The following STAU2 variants were observed in gnomAD, a reference collection of about 807,000 sequenced individuals.
The protein encoded by STAU2 is staufen double-stranded RNA binding protein 2.
STAU2 carries 20 observed loss-of-function variants against 65.9 expected under a neutral mutation model. The observed-to-expected ratio is 0.30, with a 90% CI of 0.21 to 0.44. The LOEUF (loss-of-function observed/expected upper bound fraction) is 0.44, where lower values mean the gene tolerates loss of function less well. Among genes scored for constraint, STAU2 ranks in the 20% least tolerant of loss-of-function variants. The pLI, the probability that STAU2 is intolerant of heterozygous loss-of-function variation, is 1.00. For missense variants in STAU2, 558 were observed against 683.9 expected (o/e 0.82, Z 2.05); for synonymous variants, 232 against 233.9 (o/e 0.99, Z 0.07).
chr8:73,574,889 T>C, intron 12 of STAU2, among the ~76,000 whole-genome samples: 1 of 151,792 alleles, frequency 6.6e-6, no homozygotes, highest in Non-Finnish European at 1.5e-5. Context: ...ACATGTACCC[T>C]AGAACTTAAA....
At chr8:73,553,062 G>A (rs1346316231) in intron 12 of STAU2, among the ~76,000 whole-genome samples, 2 of 152,188 alleles carry the variant, frequency 1.3e-5, no homozygotes, top group South Asian at 4.1e-4. Flanking sequence ...CCATGGACAG[G>A]TTCTGAAATC....
At chr8:73,743,971 C>A (rs1807096063) in intron 1 of STAU2, among the ~76,000 whole-genome samples, 1 of 151,222 alleles carries the variant, frequency 6.6e-6, no homozygotes. Flanking sequence ...GGGGTTTCAC[C>A]ATGTTGGCCA....
At chr8:73,736,761 G>A (rs1307797944) in intron 3 of STAU2, among the ~76,000 whole-genome samples, 3 of 152,226 alleles carry the variant, frequency 2.0e-5, no homozygotes, top group African/African-American at 4.8e-5. Flanking sequence ...TCTAGACCAG[G>A]TATAAACTTA....
chr8:73,561,742 TA>T (rs1375389129), intron 12 of STAU2, among the ~76,000 whole-genome samples: 3 of 152,106 alleles, frequency 2.0e-5, no homozygotes, highest in Non-Finnish European at 4.4e-5. Flanking sequence ...AATAGTACAA[TA>T]CAATAACAAT....
intron 3 of STAU2, among the ~76,000 whole-genome samples, chr8:73,710,728 C>T (rs1390255767): frequency 6.6e-6 from 1 of 151,610 alleles, no homozygotes; most frequent in African/African-American, 2.4e-5. Context: ...CTTTCACTTC[C>T]CATAAAAAAT....
At chr8:73,497,004 A>T (rs1189940743) in intron 13 of STAU2, among the ~76,000 whole-genome samples, 5 of 151,796 alleles carry the variant, frequency 3.3e-5, no homozygotes, top group Non-Finnish European at 4.4e-5. Context: ...AGTATATAAA[A>T]ATCATAGATC....
chr8:73,529,206 T>C lies in STAU2; in HGVS notation c.1530+22806A>G, dbSNP rs1398531672. Among the ~76,000 whole-genome samples, 3 of 152,302 alleles carry C rather than the reference T, an allele frequency of 2.0e-5. No individual in the cohort carries two copies. The East Asian group carries it at 5.8e-4, about 29-fold the overall frequency. On this transcript the variant is annotated intron_variant, in intron 13 of 14. Coordinates refer to ENST00000524300, the MANE Select transcript of STAU2 (RefSeq NM_001164380.2). Reference sequence around the variant, plus strand: ...GCAAATTAAAAGCTCAGTCAATGTATACGAGTTCAAGAATGTGGAAGTGTT... The same window carrying C: ...GCAAATTAAAAGCTCAGTCAATGTACACGAGTTCAAGAATGTGGAAGTGTT...
intron 4 of STAU2, among the ~76,000 whole-genome samples, chr8:73,703,752 C>T (rs1191638812): frequency 6.6e-6 from 1 of 152,148 alleles, no homozygotes; most frequent in African/African-American, 2.4e-5. Context: ...TTAGAAACTG[C>T]AAACTCATCT....
chr8:73,449,942 C>T (rs1364881892), intron 13 of STAU2, among the ~76,000 whole-genome samples: 1 of 152,216 alleles, frequency 6.6e-6, no homozygotes, highest in Non-Finnish European at 1.5e-5. Flanking sequence ...GGGAGCAGCA[C>T]TTCCCCACCA....
At chr8:73,550,103 C>CA (rs1481821560) in intron 13 of STAU2, 1 of 985,216 alleles carries the variant, frequency 1.0e-6, no homozygotes, top group Non-Finnish European at 1.2e-6. Context: ...CCATCAATGA[C>CA]AGAGTATTTT....
chr8:73,729,532 T>G (rs62507986), intron 3 of STAU2, among the ~76,000 whole-genome samples: 51 of 152,258 alleles, frequency 3.3e-4, no homozygotes, highest in African/African-American at 1.2e-3. Context: ...CTTTAAATAT[T>G]TGGTAGAATC....
chr8:73,526,031 GC>G (rs1805428569), intron 13 of STAU2, among the ~76,000 whole-genome samples: 1 of 152,118 alleles, frequency 6.6e-6, no homozygotes, highest in Non-Finnish European at 1.5e-5. Flanking sequence ...TACAGCTAGG[GC>G]ATATGTCAAT....
intron 13 of STAU2, among the ~76,000 whole-genome samples, chr8:73,465,439 A>C (rs1035495993): frequency 6.6e-6 from 1 of 152,232 alleles, no homozygotes; most frequent in Non-Finnish European, 1.5e-5. Flanking sequence ...TTTCTTTGTT[A>C]GTAGAGGTAT....
chr8:73,550,319 C>T (rs1054276640), intron 13 of STAU2: 16 of 983,148 alleles, frequency 1.6e-5, no homozygotes, highest in Non-Finnish European at 1.9e-5. Context: ...ATGTTGACTA[C>T]AGTGAAGATA....
intron 12 of STAU2, among the ~76,000 whole-genome samples, chr8:73,574,276 G>A (rs537765827): frequency 1.5e-4 from 23 of 152,314 alleles, no homozygotes; most frequent in Non-Finnish European, 3.1e-4. Context: ...GAGAGGATGT[G>A]GAGAAACAGG....
intron 6 of STAU2, among the ~76,000 whole-genome samples, chr8:73,625,380 G>A (rs370130410): frequency 5.3e-5 from 8 of 152,286 alleles, no homozygotes; most frequent in African/African-American, 1.9e-4. Context: ...GTCGTACAAA[G>A]GAATGAAGTA....
intron 5 of STAU2, among the ~76,000 whole-genome samples, chr8:73,681,479 G>T (rs192041494): frequency 6.6e-6 from 1 of 152,212 alleles, no homozygotes; most frequent in Non-Finnish European, 1.5e-5. Flanking sequence ...ATTAAATCTT[G>T]AAACAAAGCC....
At position 73,693,474 on chromosome 8, in the gene STAU2, CA is replaced by C. The variant is rs57858834; in HGVS notation, c.115-4662del. On this transcript the variant is annotated intron_variant, in intron 4 of 14. Coordinates refer to ENST00000524300, the MANE Select transcript of STAU2 (RefSeq NM_001164380.2). ...TGGGCGAAAGAGTGAGACTCCGTCT[CA>C]AAAAAAAAAAAAAAAAAGTGTTGGA... Among the ~76,000 whole-genome samples the C allele has an allele frequency of 4.2e-3, 289 of 68,434 alleles. 1 individual carries two copies. The highest frequency in any genetic ancestry group is 8.3e-3 in the African/African-American group (154 of 18,528). The allele number at this position is 68,434 out of a possible 152,430, so 44.9% of individuals were successfully genotyped here.
At chr8:73,592,128 A>G (rs1810863753) in intron 11 of STAU2, among the ~76,000 whole-genome samples, 1 of 151,858 alleles carries the variant, frequency 6.6e-6, no homozygotes. Flanking sequence ...AAATCAAAAA[A>G]ACTGAAAATA....
Sources: gnomAD v4.1 joint callset for allele counts (sites outside exome capture counted in the v4.1 genomes callset) on GRCh38, gnomAD v4.1.1 for gene constraint, MANE v1.5 for transcripts, NCBI Gene and HGNC (gene_info 2026-07-23, HGNC 2026-07-21) for gene names.